The following LPP variants were observed in gnomAD, a reference collection of about 807,000 sequenced individuals.
The protein encoded by LPP is LIM domain containing preferred translocation partner in lipoma.
LPP carries 38 observed loss-of-function variants against 60.4 expected under a neutral mutation model. The observed-to-expected ratio is 0.63, with a 90% confidence interval of 0.49 to 0.83. LPP has a LOEUF of 0.83. Among genes scored for constraint, LPP ranks in the 40% least tolerant of loss-of-function variants. The pLI is 0.00. For missense variants in LPP, 902 were observed against 783.6 expected, an observed-to-expected ratio of 1.15 and a Z score of -1.80; for synonymous variants, 328 against 290.8, an observed-to-expected ratio of 1.13 and a Z score of -1.30.
intron 6 of LPP, among the ~76,000 whole-genome samples, chr3:188,576,729 G>A (rs1158265942): frequency 6.6e-6 from 1 of 152,136 alleles, no homozygotes; most frequent in Non-Finnish European, 1.5e-5. Flanking sequence ...TCCAAAATGA[G>A]AGTAATCAGG....
At chr3:188,605,609 G>A (rs183130101) in intron 6 of LPP, among the ~76,000 whole-genome samples, 42 of 152,224 alleles carry the variant, frequency 2.8e-4, no homozygotes, top group African/African-American at 8.2e-4. Context: ...GGTATATCAA[G>A]TTGTGGCCAT....
chr3:188,694,173 G>A (rs961147598), intron 7 of LPP, among the ~76,000 whole-genome samples: 2 of 152,090 alleles, frequency 1.3e-5, no homozygotes, highest in Admixed American at 6.5e-5. Context: ...GTAAGAACCC[G>A]GCAGAAAATT....
chr3:188,852,341 C>T (rs1762861485), intron 9 of LPP, among the ~76,000 whole-genome samples: 1 of 152,172 alleles, frequency 6.6e-6, no homozygotes, highest in African/African-American at 2.4e-5. Context: ...GTATCTCCCT[C>T]TATCTGCATG....
At position 188,640,146 on chromosome 3, in the gene LPP, A is replaced by C. The variant is rs1177049138; in HGVS notation, c.1113+30302A>C. Among the ~76,000 whole-genome samples the C allele has an allele frequency of 2.3e-4, 34 of 150,232 alleles. 2 individuals are homozygous for C. On this transcript the variant is annotated intron_variant, in intron 7 of 11. Transcript: ENST00000617246. ...ATGTCCAACAATGATAGACTGGATT[A>C]AGAAAATGTGGCACATATACACCAT... is the stretch of plus-strand genomic sequence containing the variant.
intron 6 of LPP, among the ~76,000 whole-genome samples, chr3:188,548,004 G>C (rs1268631574): frequency 6.6e-6 from 1 of 152,134 alleles, no homozygotes; most frequent in Non-Finnish European, 1.5e-5. Context: ...ACTCAGAAAA[G>C]ACCTAATGCT....
intron 7 of LPP, among the ~76,000 whole-genome samples, chr3:188,677,478 C>G (rs1237653505): frequency 6.6e-6 from 1 of 152,126 alleles, no homozygotes; most frequent in African/African-American, 2.4e-5. Context: ...TCTTACTCTA[C>G]TGTATATGGA....
At chr3:188,685,999 G>A (rs962565013) in intron 7 of LPP, among the ~76,000 whole-genome samples, 1 of 152,168 alleles carries the variant, frequency 6.6e-6, no homozygotes, top group Non-Finnish European at 1.5e-5. Flanking sequence ...TAATGTGTAT[G>A]AGGGCAGGCT....
In LPP at chr3:188,887,855, G is replaced by A. The variant is rs1011175712; in HGVS notation, c.*13376G>A. The A allele has an allele frequency of 1.9e-5, 4 of 211,828 alleles. No homozygotes were observed. The highest frequency in any genetic ancestry group is 5.9e-5 in the Admixed American group (1 of 17,010). The allele number at this position is 211,828 out of a possible 1,614,324, so 13.1% of individuals were successfully genotyped here. ...CTTTTACTACCCATTTCCTCTCTTGGGAAAGCTGATGAGCAAATTATCCAA... is the reference window on the plus strand; with the variant it reads ...CTTTTACTACCCATTTCCTCTCTTGAGAAAGCTGATGAGCAAATTATCCAA... On this transcript the variant is annotated 3_prime_UTR_variant, in exon 12 of 12. Coordinates refer to ENST00000617246, the MANE Select transcript of LPP (RefSeq NM_001375462.1).
intron 7 of LPP, among the ~76,000 whole-genome samples, chr3:188,697,868 A>G (rs983341515): frequency 6.8e-6 from 1 of 146,838 alleles, no homozygotes; most frequent in Admixed American, 6.6e-5. Context: ...CAGATGTACT[A>G]TTTTCATATC....
intron 2 of LPP, among the ~76,000 whole-genome samples, chr3:188,335,760 C>T (rs897573842): frequency 6.6e-6 from 1 of 152,120 alleles, no homozygotes; most frequent in Admixed American, 6.5e-5. Context: ...TAAAGAGCTA[C>T]ATTCCTTTGG....
At chr3:188,176,887 A>C (rs1284357413) in intron 1 of LPP, among the ~76,000 whole-genome samples, 1 of 152,230 alleles carries the variant, frequency 6.6e-6, no homozygotes, top group African/African-American at 2.4e-5. Context: ...CACAAGGCTT[A>C]GAATTGGGAG....
At chr3:188,634,643 T>C (rs1266066504) in intron 7 of LPP, among the ~76,000 whole-genome samples, 5 of 152,170 alleles carry the variant, frequency 3.3e-5, no homozygotes, top group African/African-American at 1.2e-4. Context: ...GTGAACCCTA[T>C]TGTGAACTGC....
At chr3:188,399,285 A>AT (rs1261728492) in intron 3 of LPP, among the ~76,000 whole-genome samples, 1 of 152,202 alleles carries the variant, frequency 6.6e-6, no homozygotes, top group Non-Finnish European at 1.5e-5. Flanking sequence ...AAACCACATT[A>AT]TACCACTTTA....
chr3:188,167,834 A>G (rs1720469148), intron 1 of LPP, among the ~76,000 whole-genome samples: 1 of 152,214 alleles, frequency 6.6e-6, no homozygotes, highest in Non-Finnish European at 1.5e-5. Context: ...CATTAGCAGT[A>G]TGTGAATCTA....
At chr3:188,512,122 A>C (rs1366060735) in intron 5 of LPP, among the ~76,000 whole-genome samples, 1 of 152,156 alleles carries the variant, frequency 6.6e-6, no homozygotes, top group Non-Finnish European at 1.5e-5. Flanking sequence ...TTCCCCTTCT[A>C]GTTCTAATAT....
At chr3:188,513,608 G>T (rs1037781996) in intron 5 of LPP, among the ~76,000 whole-genome samples, 2 of 151,522 alleles carry the variant, frequency 1.3e-5, no homozygotes, top group South Asian at 4.2e-4. Context: ...TAATTGTAAG[G>T]GGTTACTTTA....
intron 3 of LPP, among the ~76,000 whole-genome samples, chr3:188,343,000 T>A (rs767625821): frequency 1.2e-4 from 19 of 152,144 alleles, no homozygotes; most frequent in South Asian, 2.1e-4. Flanking sequence ...CCAGGAAGTT[T>A]TTTATTTATT....
chr3:188,301,112 C>T (rs1749708029), intron 2 of LPP, among the ~76,000 whole-genome samples: 1 of 152,142 alleles, frequency 6.6e-6, no homozygotes, highest in African/African-American at 2.4e-5. Context: ...GCCTCTCTAT[C>T]CAGTCGTCCG....
chr3:188,342,165 A>G (rs1213221094), intron 3 of LPP, among the ~76,000 whole-genome samples: 2 of 152,182 alleles, frequency 1.3e-5, no homozygotes, highest in East Asian at 1.9e-4. Flanking sequence ...CCAAATATTT[A>G]TGGCTGGGTC....
Sources: allele counts gnomAD v4.1 joint callset (sites outside exome capture counted in the v4.1 genomes callset), GRCh38; gene constraint gnomAD v4.1.1; transcripts MANE v1.5; gene names NCBI Gene and HGNC (gene_info 2026-07-23, HGNC 2026-07-21).